Variants in LANCL1 observed in about 807,000 individuals in gnomAD.
LANCL1 encodes the protein glutathione S-transferase LANCL1.
A neutral mutation model predicts 50.6 loss-of-function variants in LANCL1; 50 were observed. The observed-to-expected ratio is 0.99, with a 90% CI of 0.79 to 1.25. The LOEUF is 1.25. Among genes scored for constraint, LANCL1 ranks in the 50% most tolerant of loss-of-function variants. The pLI, the probability that LANCL1 is intolerant of heterozygous loss-of-function variation, is 0.00. For missense variants in LANCL1, 532 were observed against 480.7 expected, an observed-to-expected ratio of 1.11 and a Z score of -1.00; for synonymous variants, 188 against 178.6, an observed-to-expected ratio of 1.05 and a Z score of -0.42.
At chr2:210,435,334 C>A in intron 9 of LANCL1, 53 bp downstream of exon 9, 1 of 1,373,668 alleles carries the variant, frequency 7.3e-7, no homozygotes, top group Non-Finnish European at 1.0e-6. Flanking sequence ...AATTACCAAG[C>A]AGAGAAGTAG....
At chr2:210,447,318 C>G (rs1341661221) in intron 4 of LANCL1, among the ~76,000 whole-genome samples, 1 of 152,156 alleles carries the variant, frequency 6.6e-6, no homozygotes, top group Non-Finnish European at 1.5e-5. Flanking sequence ...GAGATTTTGT[C>G]ATCACCAGGC....
At chr2:210,471,910 T>C (rs2105928274) in intron 3 of LANCL1, 49 bp downstream of exon 3, 1 of 1,304,032 alleles carries the variant, frequency 7.7e-7, no homozygotes. Context: ...AAAAATGCTC[T>C]GGCTCTTAAG....
chr2:210,464,979 A>AC (rs1693999923), intron 3 of LANCL1, among the ~76,000 whole-genome samples: 1 of 73,944 alleles, frequency 1.4e-5, no homozygotes, highest in African/African-American at 3.6e-5. Flanking sequence ...TCTCAAAAAA[A>AC]AAAAAAAAAA....
intron 4 of LANCL1, 53 bp from the exon 5 acceptor site, chr2:210,441,496 GTA>G (rs2105891581): frequency 6.7e-7 from 1 of 1,495,022 alleles, no homozygotes; most frequent in Non-Finnish European, 9.1e-7. Flanking sequence ...AGGTATTGGT[GTA>G]TACTTAAAAA....
chr2:210,455,753 C>G (rs562408899), intron 3 of LANCL1, among the ~76,000 whole-genome samples: 2 of 150,808 alleles, frequency 1.3e-5, no homozygotes, highest in South Asian at 4.2e-4. Flanking sequence ...ATTCAAAGAC[C>G]AGGGAATGAA....
In LANCL1 at chr2:210,432,557, T is replaced by C. The variant is rs953899816; in HGVS notation, c.*1930A>G. ...ATCTTCCTGGGGTTAAGCATTGCTA[T>C]CACGATGCTTGGAGAACTGTGATCA... On this transcript the variant is annotated 3_prime_UTR_variant, in exon 10 of 10. Transcript: ENST00000450366. 2.0e-5 allele frequency: 3 copies of C among 152,220 alleles called. No individual in the cohort carries two copies. Among genetic ancestry groups the C allele is most frequent in the Admixed American group, 1.3e-4 (2 of 15,276 alleles). The allele number at this position is 152,220 out of a possible 1,614,324, so 9.4% of individuals were successfully genotyped here. A position where few individuals can be genotyped will look rare whatever the true frequency, so the allele number is the denominator to read the frequency against.
rs1162574797 is a variant in LANCL1, at chr2:210,476,693, T to C, written c.-90A>G. The C allele has an allele frequency of 4.0e-5, 48 of 1,194,988 alleles. No individual in the cohort carries two copies. The highest frequency in any genetic ancestry group is 4.9e-5 in the Non-Finnish European group (47 of 959,360). The allele number at this position is 1,194,988 out of a possible 1,614,324, so 74.0% of individuals were successfully genotyped here. On this transcript the variant is annotated 5_prime_UTR_variant, in exon 1 of 10. Transcript: ENST00000450366. ...TGAAGCAAGTGCGCCTCCCGCGTCC[T>C]GAAGCCCTTCTCGGCCCTGGCCTCT...
At position 210,434,238 on chromosome 2, in the gene LANCL1, T is replaced by C. The variant is rs1310568558; in HGVS notation, c.*249A>G. 4.8e-6 allele frequency: 2 copies of C among 412,870 alleles called. No individual in the cohort carries two copies. Among genetic ancestry groups the C allele is most frequent in the Non-Finnish European group, 8.7e-6 (2 of 231,106 alleles). 25.6% of individuals were successfully genotyped at this position (412,870 alleles called of 1,614,324 possible). A position where few individuals can be genotyped will look rare whatever the true frequency, so the allele number is the denominator to read the frequency against. On this transcript the variant is annotated 3_prime_UTR_variant, in exon 10 of 10. Coordinates refer to ENST00000450366, the MANE Select transcript of LANCL1 (RefSeq NM_006055.3). ...ATATATGTATACAATCTCAAAACACTGTACATATCACTCACTCTCCCTTTA... is the reference window on the plus strand; with the variant it reads ...ATATATGTATACAATCTCAAAACACCGTACATATCACTCACTCTCCCTTTA...
intron 4 of LANCL1, among the ~76,000 whole-genome samples, chr2:210,445,632 G>C (rs1274717621): frequency 6.6e-6 from 1 of 152,020 alleles, no homozygotes; most frequent in Admixed American, 6.6e-5. Context: ...ATAAAGAAAT[G>C]ATATCACTGA....
At chr2:210,442,011 T>C (rs945012771) in intron 4 of LANCL1, among the ~76,000 whole-genome samples, 4 of 152,056 alleles carry the variant, frequency 2.6e-5, no homozygotes, top group Non-Finnish European at 5.9e-5. Flanking sequence ...TTTAAGTGAT[T>C]CTCCTACCTC....
chr2:210,459,167 T>C (rs1415487119), intron 3 of LANCL1, among the ~76,000 whole-genome samples: 1 of 152,150 alleles, frequency 6.6e-6, no homozygotes, highest in African/African-American at 2.4e-5. Context: ...ATCTAGAGTT[T>C]AGAATTATTT....
rs1393793063 is a variant in LANCL1 at position 210,475,295 on chromosome 2, G to T, written c.81+1021C>A. Among the ~76,000 whole-genome samples, 3 of 152,278 alleles carry T rather than the reference G, an allele frequency of 2.0e-5. No homozygotes were observed. In the East Asian group the frequency reaches 5.8e-4, roughly 29 times the overall value. On this transcript the variant is annotated intron_variant, in intron 2 of 9. Transcript: ENST00000450366. ...TAAACTGGTAAAATTTTTAAAGCGT[G>T]TGCCTTGTTTCCAACTTAACTCATT...
At chr2:210,458,788 A>G (rs1409440129) in intron 3 of LANCL1, among the ~76,000 whole-genome samples, 1 of 152,190 alleles carries the variant, frequency 6.6e-6, no homozygotes, top group Non-Finnish European at 1.5e-5. Flanking sequence ...TCATTCCCAA[A>G]TATGATTCTA....
chr2:210,446,149 C>G lies in LANCL1; in HGVS notation c.408-4706G>C, dbSNP rs190937062. Among the ~76,000 whole-genome samples the G allele has an allele frequency of 4.7e-3, 713 of 152,288 alleles. 3 individuals are homozygous for G. Among genetic ancestry groups the G allele is most frequent in the African/African-American group, 0.016 (669 of 41,560 alleles). On this transcript the variant is annotated intron_variant, in intron 4 of 9. Coordinates refer to ENST00000450366, the MANE Select transcript of LANCL1 (RefSeq NM_006055.3). ...GTCTCCTCAAGTGAGTCCCTGCCCCCCTGTGCTTCCTGACTGGGAGACACC... is the reference window on the plus strand; with the variant it reads ...GTCTCCTCAAGTGAGTCCCTGCCCCGCTGTGCTTCCTGACTGGGAGACACC...
At chr2:210,466,986 G>C (rs919605266) in intron 3 of LANCL1, among the ~76,000 whole-genome samples, 1 of 152,106 alleles carries the variant, frequency 6.6e-6, no homozygotes, top group African/African-American at 2.4e-5. Flanking sequence ...TTCAAGATAT[G>C]AATCTTGGAG....
chr2:210,465,408 G>A lies in LANCL1; in HGVS notation c.199+6551C>T, dbSNP rs376544502. On this transcript the variant is annotated intron_variant, in intron 3 of 9. Coordinates refer to ENST00000450366, the MANE Select transcript of LANCL1 (RefSeq NM_006055.3). ...AAACACCTGAACTGCTTGATATAATGTAACCATAGATTGAGGTCTGCAGCT... is the reference window on the plus strand; with the variant it reads ...AAACACCTGAACTGCTTGATATAATATAACCATAGATTGAGGTCTGCAGCT... Among the ~76,000 whole-genome samples the A allele has an allele frequency of 3.9e-5, 6 of 152,330 alleles. No homozygotes were observed. The South Asian group carries it at 1.2e-3, about 32-fold the overall frequency.
intron 3 of LANCL1, among the ~76,000 whole-genome samples, chr2:210,456,601 C>G (rs1265569723): frequency 6.6e-6 from 1 of 151,874 alleles, no homozygotes; most frequent in East Asian, 1.9e-4. Flanking sequence ...AAACCCTTTT[C>G]ACAAATGATT....
intron 3 of LANCL1, among the ~76,000 whole-genome samples, chr2:210,465,871 C>T (rs1190536747): frequency 6.6e-6 from 1 of 152,124 alleles, no homozygotes; most frequent in Non-Finnish European, 1.5e-5. Flanking sequence ...GGAAAAGCCA[C>T]AAAGGACATG....
chr2:210,476,634 C>A lies in LANCL1; in HGVS notation c.-31G>T. 2.3e-6 allele frequency: 3 copies of A among 1,286,210 alleles called. No homozygotes were observed. Among genetic ancestry groups the A allele is most frequent in the Non-Finnish European group, 3.0e-6 (3 of 1,015,808 alleles). 79.7% of individuals were successfully genotyped at this position (1,286,210 alleles called of 1,614,324 possible). On this transcript the variant is annotated 5_prime_UTR_variant, in exon 1 of 10. Coordinates refer to ENST00000450366, the MANE Select transcript of LANCL1 (RefSeq NM_006055.3). The stretch of plus-strand genomic sequence containing the variant: ...CCTTAACCCACCCGGACAAAGAGGC[C>A]CCGTTTTGCAACCCCGTTCCCACGC...
Sources: gnomAD v4.1 joint callset for allele counts (sites outside exome capture counted in the v4.1 genomes callset) on GRCh38, gnomAD v4.1.1 for gene constraint, MANE v1.5 for transcripts, NCBI Gene and HGNC (gene_info 2026-07-23, HGNC 2026-07-21) for gene names.